RARB: variants seen among roughly 807,000 people sequenced by gnomAD.
RARB encodes the protein HBV-activated protein.
Under a neutral mutation model 51.9 loss-of-function variants are expected in RARB, and 17 were observed. The observed-to-expected ratio is 0.33, with a 90% CI of 0.22 to 0.49. The LOEUF is 0.49. Among genes scored for constraint, RARB ranks in the 20% least tolerant of loss-of-function variants. The pLI, the probability that RARB is intolerant of heterozygous loss-of-function variation, is 0.99. For missense variants in RARB, 369 were observed against 550.8 expected, an observed-to-expected ratio of 0.67 and a Z score of 3.30; for synonymous variants, 215 against 195.4, an observed-to-expected ratio of 1.10 and a Z score of -0.84.
chr3:25,342,448 C>T (rs895989255), intron 5 of RARB, among the ~76,000 whole-genome samples: 2 of 152,174 alleles, frequency 1.3e-5, no homozygotes, highest in Non-Finnish European at 2.9e-5. Context: ...CTCACTTTCC[C>T]ATTCTCTCTT....
At chr3:25,008,146 T>C (rs780344452) in intron 2 of RARB, among the ~76,000 whole-genome samples, 2 of 152,178 alleles carry the variant, frequency 1.3e-5, no homozygotes, top group Non-Finnish European at 2.9e-5. Flanking sequence ...GCCTACAAGC[T>C]GATGTCTGAC....
chr3:25,502,098 C>T (rs1183686418), intron 3 of RARB, among the ~76,000 whole-genome samples: 3 of 152,206 alleles, frequency 2.0e-5, no homozygotes, highest in East Asian at 1.9e-4. Context: ...CAGTGATGCT[C>T]TTGTGGGGCT....
intron 4 of RARB, among the ~76,000 whole-genome samples, chr3:25,145,869 G>A (rs1700180596): frequency 6.6e-6 from 1 of 152,066 alleles, no homozygotes; most frequent in Non-Finnish European, 1.5e-5. Flanking sequence ...AGGCATGGTA[G>A]GGGGTGCCTA....
At chr3:24,911,878 A>C (rs1486434884) in intron 2 of RARB, among the ~76,000 whole-genome samples, 1 of 152,224 alleles carries the variant, frequency 6.6e-6, no homozygotes, top group Non-Finnish European at 1.5e-5. Flanking sequence ...CTAGATTTTC[A>C]AAGCATCTTG....
At chr3:24,918,545 T>C (rs986881805) in intron 2 of RARB, among the ~76,000 whole-genome samples, 16 of 152,222 alleles carry the variant, frequency 1.1e-4, no homozygotes, top group Non-Finnish European at 2.2e-4. Context: ...GTGAATGTTA[T>C]GGTATGTTAA....
chr3:25,167,930 A>C (rs1324261536), intron 4 of RARB, among the ~76,000 whole-genome samples: 1 of 152,224 alleles, frequency 6.6e-6, no homozygotes, highest in Non-Finnish European at 1.5e-5. Context: ...CAAGAGTCCC[A>C]AATAAAAAGC....
At chr3:24,923,235 C>T (rs968649381) in intron 2 of RARB, among the ~76,000 whole-genome samples, 4 of 152,118 alleles carry the variant, frequency 2.6e-5, no homozygotes, top group Admixed American at 6.6e-5. Context: ...ATTTGAAGTG[C>T]TTAGATAGCA....
In RARB at chr3:25,173,266, T is replaced by A. The variant is rs772436633; in HGVS notation, c.-279-853T>A. On this transcript the variant is annotated intron_variant, in intron 4 of 11. Transcript: ENST00000383772. ...GGCAGTTTAGACTTCTTTAACAATA[T>A]GACCTCAATCAATAGTTGTTAAAAC... Among the ~76,000 whole-genome samples the A allele has an allele frequency of 2.0e-5, 3 of 152,208 alleles. No individual in the cohort carries two copies. The South Asian group carries it at 6.2e-4, about 31-fold the overall frequency.
At chr3:25,374,280 G>C (rs1190091447) in intron 5 of RARB, among the ~76,000 whole-genome samples, 1 of 152,078 alleles carries the variant, frequency 6.6e-6, no homozygotes, top group Non-Finnish European at 1.5e-5. Context: ...TCTGAGGACT[G>C]GGAACAGGTA....
chr3:25,015,019 C>T (rs146400421), intron 2 of RARB, among the ~76,000 whole-genome samples: 4 of 152,210 alleles, frequency 2.6e-5, no homozygotes, highest in African/African-American at 9.6e-5. Context: ...CGTTGTTTAT[C>T]TACAAACAGA....
intron 3 of RARB, among the ~76,000 whole-genome samples, chr3:25,113,006 A>T (rs1699628921): frequency 6.6e-6 from 1 of 152,156 alleles, no homozygotes; most frequent in Non-Finnish European, 1.5e-5. Context: ...GATATTCAGC[A>T]TCATTGAGAG....
chr3:25,257,556 A>G (rs1030226676), intron 5 of RARB, among the ~76,000 whole-genome samples: 7 of 152,092 alleles, frequency 4.6e-5, no homozygotes, highest in Admixed American at 6.6e-5. Flanking sequence ...GAGATATAAC[A>G]TCTAAAATAG....
intron 5 of RARB, among the ~76,000 whole-genome samples, chr3:25,276,684 G>A (rs534231728): frequency 6.6e-6 from 1 of 152,278 alleles, no homozygotes; most frequent in South Asian, 2.1e-4. Flanking sequence ...TGAACACTTA[G>A]CATAGGAAAG....
At chr3:25,130,497 A>G (rs1587425) in intron 3 of RARB, among the ~76,000 whole-genome samples, 80,612 of 151,742 alleles carry the variant, frequency 0.53, 21,832 homozygotes, top group East Asian at 0.7. Context: ...TTAATAAAAT[A>G]GTGGCCAGAT....
chr3:25,355,868 GAGTA>G (rs1330759436), intron 5 of RARB, among the ~76,000 whole-genome samples: 1 of 151,984 alleles, frequency 6.6e-6, no homozygotes, highest in Non-Finnish European at 1.5e-5. Flanking sequence ...TTTGCTTTGT[GAGTA>G]AGTCTCTTAT....
intron 4 of RARB, among the ~76,000 whole-genome samples, chr3:25,162,364 C>T (rs2125347148): frequency 1.3e-5 from 2 of 152,278 alleles, no homozygotes; most frequent in East Asian, 3.9e-4. Flanking sequence ...CTCGCTTGGC[C>T]TCTCAAAATG....
chr3:25,349,230 A>T (rs939702181), intron 5 of RARB, among the ~76,000 whole-genome samples: 26 of 152,184 alleles, frequency 1.7e-4, no homozygotes, highest in African/African-American at 4.8e-4. Flanking sequence ...TGCCCTCAGC[A>T]TGTTTCCCCA....
At chr3:25,283,960 A>G (rs1455322353) in intron 5 of RARB, among the ~76,000 whole-genome samples, 1 of 152,180 alleles carries the variant, frequency 6.6e-6, no homozygotes, top group Non-Finnish European at 1.5e-5. Flanking sequence ...TTCTCCTAAC[A>G]AATAGCATAA....
intron 5 of RARB, among the ~76,000 whole-genome samples, chr3:25,260,619 C>G (rs1334771065): frequency 6.6e-6 from 1 of 152,136 alleles, no homozygotes; most frequent in Non-Finnish European, 1.5e-5. Flanking sequence ...AGCTCTTCAT[C>G]TTACCTGCCC....
Sources: allele counts gnomAD v4.1 joint callset (sites outside exome capture counted in the v4.1 genomes callset), GRCh38; gene constraint gnomAD v4.1.1; transcripts MANE v1.5; gene names NCBI Gene and HGNC (gene_info 2026-07-23, HGNC 2026-07-21).